CIDEC: variants seen among roughly 807,000 people sequenced by gnomAD.
CIDEC encodes the protein cell death inducing DFFA like effector c.
In CIDEC, 11 loss-of-function variants were observed where a neutral mutation model predicts 21.9. That is an observed-to-expected ratio of 0.50 (90% CI 0.32 to 0.83). CIDEC has a LOEUF of 0.83. Among genes scored for constraint, CIDEC ranks in the 40% least tolerant of loss-of-function variants. CIDEC has a pLI of 0.04. For synonymous variants in CIDEC, 127 were observed against 124.9 expected (o/e 1.02, Z -0.11); for missense variants, 302 against 302.3 (o/e 1.00, Z 0.01).
In CIDEC at chr3:9,866,742, C is replaced by G. The variant is rs1233843057; in HGVS notation, c.*392G>C. 4.2e-6 allele frequency: 2 copies of G among 471,882 alleles called. No individual in the cohort carries two copies. Among genetic ancestry groups the G allele is most frequent in the Non-Finnish European group, 7.7e-6 (2 of 258,990 alleles). 29.2% of individuals were successfully genotyped at this position (471,882 alleles called of 1,614,324 possible). The stretch of plus-strand genomic sequence containing the variant: ...GCCTCAATAATTTATTGCAAACTCC[C>G]TAATATCACATGCTAGTGCGCTTGC... On this transcript the variant is annotated 3_prime_UTR_variant, in exon 7 of 7. Coordinates refer to ENST00000336832, the MANE Select transcript of CIDEC (RefSeq NM_001321142.2).
At chr3:9,873,851 C>T (rs1433373228) in intron 4 of CIDEC, among the ~76,000 whole-genome samples, 1 of 152,180 alleles carries the variant, frequency 6.6e-6, no homozygotes, top group Non-Finnish European at 1.5e-5. Context: ...GGCATTATCA[C>T]GTCACTTTTC....
In CIDEC at chr3:9,878,908, C is replaced by T. The variant is rs143766859; in HGVS notation, c.-26+34G>A. On this transcript the variant is annotated intron_variant, in intron 2 of 6. Transcript: ENST00000336832. Reference sequence around the variant, plus strand: ...CTTTACGCTGGCAGGAGGTGAGTCACACCACCTCACACTTCTGGGGACCGT... The same window carrying T: ...CTTTACGCTGGCAGGAGGTGAGTCATACCACCTCACACTTCTGGGGACCGT... 590 of 1,114,732 alleles carry T rather than the reference C, an allele frequency of 5.3e-4. 5 individuals are homozygous for T. In the African/African-American group the frequency reaches 8.2e-3, roughly 15 times the overall value. 69.1% of individuals were successfully genotyped at this position (1,114,732 alleles called of 1,614,324 possible). A position where few individuals can be genotyped will look rare whatever the true frequency, so the allele number is the denominator to read the frequency against.
In CIDEC at chr3:9,877,211, G is replaced by A. The variant is rs2082438348; in HGVS notation, c.62C>T (p.Ser21Leu). ...LYPKSLSRHV[S>L]VRTSVVTQQL... The stretch of plus-strand genomic sequence containing the variant: ...CTGGGTCACCACAGAGGTACGCACT[G>A]ACACATGCCTGGGGCAGTTGAAGCA... The change falls in exon 4 of 7, where the codon TCA becomes TTA. Residue 21 changes from serine (S) to leucine (L), a missense_variant. By Grantham distance (145) the Ser-to-Leu change is moderately radical. Transcript: ENST00000336832. 2.6e-6 allele frequency: 4 copies of A among 1,550,236 alleles called. No homozygotes were observed. Among genetic ancestry groups the A allele is most frequent in the Non-Finnish European group, 3.5e-6 (4 of 1,147,054 alleles).
chr3:9,874,383 T>A (rs2082391121), intron 4 of CIDEC, among the ~76,000 whole-genome samples: 1 of 151,610 alleles, frequency 6.6e-6, no homozygotes, highest in African/African-American at 2.4e-5. Context: ...AGGTGTGAGA[T>A]CGTGTACCTA....
In CIDEC at chr3:9,878,421, T is replaced by C; in HGVS notation, c.53+13A>G. On this transcript the variant is annotated intron_variant, in intron 3 of 6. Transcript: ENST00000336832. The stretch of plus-strand genomic sequence containing the variant: ...GGTGGCTCTCTTTCCATTCTGCCCA[T>C]GACTTTCCTCACCTGGAGAGGGACT... 1 of 1,602,446 alleles carries C rather than the reference T, an allele frequency of 6.2e-7. No homozygotes were observed. The highest frequency in any genetic ancestry group is 8.6e-7 in the Non-Finnish European group (1 of 1,169,344).
At chr3:9,876,819 A>T (rs2082430284) in intron 4 of CIDEC, among the ~76,000 whole-genome samples, 1 of 151,814 alleles carries the variant, frequency 6.6e-6, no homozygotes, top group Non-Finnish European at 1.5e-5. Flanking sequence ...TTTTCCAGCA[A>T]GAAAAATGTG....
intron 4 of CIDEC, 91 bp from the exon 5 acceptor site, chr3:9,870,413 G>T (rs73118319): frequency 1.3e-6 from 2 of 1,588,470 alleles, no homozygotes; most frequent in East Asian, 4.5e-5. Flanking sequence ...CCTCTGCTGT[G>T]GAATCACTAC....
intron 4 of CIDEC, among the ~76,000 whole-genome samples, chr3:9,873,021 T>A (rs752690825): frequency 6.6e-6 from 1 of 152,008 alleles, no homozygotes; most frequent in Non-Finnish European, 1.5e-5. Flanking sequence ...TGAAGTCCAG[T>A]TTTTTTGGTT....
rs773361058 is a variant in CIDEC, at chr3:9,869,897, G to A, written c.539C>T (p.Ala180Val). 3.7e-6 allele frequency: 6 copies of A among 1,612,786 alleles called. No homozygotes were observed. In the African/African-American group the frequency reaches 8.0e-5, roughly 22 times the overall value. Reference protein sequence around the residue: ...SLSYDLHCCGAKRIMKEAFRW... With the variant: ...SLSYDLHCCGVKRIMKEAFRW... ...ATTTGCTCACTTCATGATGCGCTTGGCCCCACAGCAGTGCAGATCATAGGA... is the reference window on the plus strand; with the variant it reads ...ATTTGCTCACTTCATGATGCGCTTGACCCCACAGCAGTGCAGATCATAGGA... The change falls in exon 6 of 7, where the codon GCC (alanine) becomes GTC (valine). Residue 180 changes from alanine (A) to valine (V), a missense_variant. Ala to Val is a moderately conservative substitution (Grantham distance 64, BLOSUM62 0). Transcript: ENST00000336832.
At position 9,867,091 on chromosome 3, in the gene CIDEC, C is replaced by CA; in HGVS notation, c.*42dup. ...CACTACCAGTTAAGCGTGAGGCCCC[C>CA]AGTCAGTCCTTCACTGGGGAAAGCT... is the stretch of plus-strand genomic sequence containing the variant. On this transcript the variant is annotated 3_prime_UTR_variant, in exon 7 of 7. Coordinates refer to ENST00000336832, the MANE Select transcript of CIDEC (RefSeq NM_001321142.2). 1 of 1,606,912 alleles carries CA rather than the reference C, an allele frequency of 6.2e-7. No individual in the cohort carries two copies. Among genetic ancestry groups the CA allele is most frequent in the Non-Finnish European group, 8.5e-7 (1 of 1,175,186 alleles).
chr3:9,867,336 G>A (rs761959194), intron 6 of CIDEC, 40 bp from the exon 7 acceptor site: 1 of 1,610,590 alleles, frequency 6.2e-7, no homozygotes, highest in Non-Finnish European at 8.5e-7. Context: ...AAACCACGAA[G>A]TAGGTCGGGC....
In CIDEC at chr3:9,867,065, G is replaced by C. The variant is rs1053239; in HGVS notation, c.*69C>G. ...GGCTCTACAGCTGCCAGGCTTGTGG[G>C]CACTACCAGTTAAGCGTGAGGCCCC... On this transcript the variant is annotated 3_prime_UTR_variant, in exon 7 of 7. Transcript: ENST00000336832. 0.18 allele frequency: 276,206 copies of C among 1,541,092 alleles called. 29,955 individuals are homozygous for C. Among genetic ancestry groups the C allele is most frequent in the East Asian group, 0.6 (26,829 of 44,544 alleles).
intron 1 of CIDEC, among the ~76,000 whole-genome samples, chr3:9,879,968 G>A (rs891577919): frequency 2.6e-5 from 4 of 152,116 alleles, no homozygotes; most frequent in Admixed American, 2.6e-4. Context: ...GCCAGCTGGG[G>A]ACAATCACTC....
At chr3:9,876,932 C>G in intron 4 of CIDEC, 134 bp downstream of exon 4, 1 of 730,436 alleles carries the variant, frequency 1.4e-6, no homozygotes, top group Non-Finnish European at 2.4e-6. Context: ...TTGGACAGCT[C>G]TCCAGGTGGG....
chr3:9,879,074 C>A lies in CIDEC; in HGVS notation c.-138-20G>T, dbSNP rs1266264304. 3.6e-6 allele frequency: 2 copies of A among 553,530 alleles called. No homozygotes were observed. The highest frequency in any genetic ancestry group is 3.0e-5 in the East Asian group (1 of 32,790). The allele number at this position is 553,530 out of a possible 1,614,324, so 34.3% of individuals were successfully genotyped here. A position where few individuals can be genotyped will look rare whatever the true frequency, so the allele number is the denominator to read the frequency against. On this transcript the variant is annotated intron_variant, in intron 1 of 6. Coordinates refer to ENST00000336832, the MANE Select transcript of CIDEC (RefSeq NM_001321142.2). ...AACATTCTGTGATGATAGAGGCATG[C>A]CTTGTACATACTCTCCAATACCATT...
In CIDEC at chr3:9,867,371, G is replaced by A. The variant is rs568896832; in HGVS notation, c.555-75C>T. 8.7e-5 allele frequency: 133 copies of A among 1,535,672 alleles called. 1 individual carries two copies. The East Asian group carries it at 2.4e-3, about 27-fold the overall frequency. ...CATGGCGTTCACGCCTGTAATCCTAGCACTTTGGGAGGCCATGGAGGGCGG... is the reference window on the plus strand; with the variant it reads ...CATGGCGTTCACGCCTGTAATCCTAACACTTTGGGAGGCCATGGAGGGCGG... On this transcript the variant is annotated intron_variant, in intron 6 of 6. Transcript: ENST00000336832.
intron 6 of CIDEC, among the ~76,000 whole-genome samples, chr3:9,867,971 C>G (rs975387067): frequency 6.6e-6 from 1 of 151,842 alleles, no homozygotes; most frequent in Non-Finnish European, 1.5e-5. Context: ...AAGAGTGTAC[C>G]CCCTCCCTGC....
chr3:9,876,430 T>C (rs1026630070), intron 4 of CIDEC, among the ~76,000 whole-genome samples: 2 of 150,998 alleles, frequency 1.3e-5, no homozygotes, highest in South Asian at 2.1e-4. Context: ...GCTGAGATCA[T>C]GCCACTGCAC....
chr3:9,876,264 G>A lies in CIDEC; in HGVS notation c.207+802C>T, dbSNP rs573749665. 1.6e-4 allele frequency among the ~76,000 whole-genome samples: 24 copies of A among 151,752 alleles called. No homozygotes were observed. The East Asian group carries it at 3.3e-3, about 21-fold the overall frequency. Reference sequence around the variant, plus strand: ...AGAGGTGGGTGGATTACCTGAGGTCGGGAGTTTGAGACCAGCCTGGCCAAC... The same window carrying A: ...AGAGGTGGGTGGATTACCTGAGGTCAGGAGTTTGAGACCAGCCTGGCCAAC... On this transcript the variant is annotated intron_variant, in intron 4 of 6. Transcript: ENST00000336832.
Sources: allele counts gnomAD v4.1 joint callset (sites outside exome capture counted in the v4.1 genomes callset), GRCh38; gene constraint gnomAD v4.1.1; transcripts MANE v1.5; gene names NCBI Gene and HGNC (gene_info 2026-07-23, HGNC 2026-07-21).